The following POLR2F variants were observed in gnomAD, a reference collection of about 807,000 sequenced individuals.
The protein encoded by POLR2F is RNA polymerase II, I and III subunit F.
A neutral mutation model predicts 22.7 loss-of-function variants in POLR2F; 12 were observed. The observed-to-expected ratio is 0.53, with a 90% CI of 0.34 to 0.86. The LOEUF (loss-of-function observed/expected upper bound fraction) is 0.86, where lower values mean the gene tolerates loss of function less well. Ranked by LOEUF, POLR2F falls within the 40% of genes least tolerant of loss-of-function variation. POLR2F has a pLI of 0.02. For missense variants in POLR2F, 126 were observed against 171.5 expected (o/e 0.73, Z 1.48); for synonymous variants, 57 against 66.0 (o/e 0.86, Z 0.66).
At chr22:37,990,137 G>T (rs1932693932) in intron 1 of POLR2F, among the ~76,000 whole-genome samples, 1 of 152,160 alleles carries the variant, frequency 6.6e-6, no homozygotes, top group South Asian at 2.1e-4. Context: ...AGAGTTCCAA[G>T]GAGGAAAAGA....
chr22:37,982,079 A>G (rs3026649), upstream of POLR2F, among the ~76,000 whole-genome samples: 5,293 of 152,266 alleles, frequency 0.035, 296 homozygotes, highest in African/African-American at 0.12. Context: ...CTCCTCTGAC[A>G]AAGCCCTAAT....
chr22:37,964,185 AC>A (rs1018655029), intron 3 of POLR2F, among the ~76,000 whole-genome samples: 2 of 152,080 alleles, frequency 1.3e-5, no homozygotes, highest in Non-Finnish European at 2.9e-5. Flanking sequence ...GTGCACAGGT[AC>A]CCACAACCCA....
rs1029924892 is a variant in POLR2F at position 37,974,451 on chromosome 22, C to T, written c.293+7281C>T. ...CACTGCAACCTCTGCCTCCTGGGTT[C>T]AAATGATTCTCCTGCCTCAGCCTCC... On this transcript the variant is annotated intron_variant, in intron 4 of 4. Coordinates refer to the POLR2F transcript ENST00000405557. This position sits in a 1 kb window ranked among gnomAD's most constrained non-coding sequence, Gnocchi z 5.4. 6.6e-6 allele frequency among the ~76,000 whole-genome samples: 1 copy of T among 150,824 alleles called. No individual in the cohort carries two copies. The highest frequency in any genetic ancestry group is 2.5e-5 in the African/African-American group (1 of 40,646).
At chr22:38,000,551 G>A (rs2084759951) in intron 1 of POLR2F, among the ~76,000 whole-genome samples, 1 of 152,192 alleles carries the variant, frequency 6.6e-6, no homozygotes, top group Non-Finnish European at 1.5e-5. Context: ...TGGGCCCCTC[G>A]AGATGGTGCT....
chr22:38,015,673 C>G (rs1014428013), intron 1 of POLR2F, among the ~76,000 whole-genome samples: 4 of 152,140 alleles, frequency 2.6e-5, no homozygotes, highest in African/African-American at 7.2e-5. Context: ...TCAGCTGCCC[C>G]CTCTGTGGGG....
At chr22:37,967,532 C>T (rs1396117103) in intron 4 of POLR2F, 93 bp from the exon 5 acceptor site, 89 of 1,554,142 alleles carry the variant, frequency 5.7e-5, no homozygotes, top group Non-Finnish European at 7.6e-5. Flanking sequence ...CCTAAGACTT[C>T]TCTTTGCTTG....
At chr22:38,019,131 T>G (rs2084938819) in intron 1 of POLR2F, among the ~76,000 whole-genome samples, 1 of 151,470 alleles carries the variant, frequency 6.6e-6, no homozygotes, top group African/African-American at 2.4e-5. Flanking sequence ...GTCGGTGGAC[T>G]GGGAAGGTGT....
At chr22:38,035,382 G>T (rs1192404918) in intron 5 of POLR2F, among the ~76,000 whole-genome samples, 1 of 152,228 alleles carries the variant, frequency 6.6e-6, no homozygotes, top group Non-Finnish European at 1.5e-5. Flanking sequence ...AGGATGCTGA[G>T]GCCTAACAGG....
chr22:37,982,604 G>A (rs1028093798), upstream of POLR2F, among the ~76,000 whole-genome samples: 10 of 152,140 alleles, frequency 6.6e-5, no homozygotes, highest in Non-Finnish European at 8.8e-5. Flanking sequence ...CCAGCTCTGG[G>A]GCAGTGGGGA....
intron 1 of POLR2F, among the ~76,000 whole-genome samples, chr22:38,010,814 G>A (rs5756879): frequency 2.0e-5 from 3 of 151,902 alleles, no homozygotes; most frequent in South Asian, 2.1e-4. Context: ...ACGGGGTTTC[G>A]CCATGCAGGC....
upstream of POLR2F, among the ~76,000 whole-genome samples, chr22:37,982,744 C>G (rs1028465241): frequency 2.0e-5 from 3 of 152,006 alleles, no homozygotes; most frequent in Non-Finnish European, 4.4e-5. Context: ...TGTGTCCTCT[C>G]CCTAGGAGGA....
intron 5 of POLR2F, among the ~76,000 whole-genome samples, chr22:38,035,780 G>A (rs967249466): frequency 1.3e-5 from 2 of 152,176 alleles, no homozygotes; most frequent in Non-Finnish European, 1.5e-5. Context: ...GGGAGGTGCT[G>A]CCCCTTCCCA....
At position 37,980,055 on chromosome 22, in the gene POLR2F, C is replaced by A. The variant is rs531675403; in HGVS notation, c.293+12885C>A. ...TAGCCTCCCTGTCTACTCCCCCCAC[C>A]CCGGCCCTGAGCCCAGCCCTAGCCC... On this transcript the variant is annotated intron_variant, in intron 4 of 4. Coordinates refer to the POLR2F transcript ENST00000405557. The surrounding 1 kb of genome is among the most constrained non-coding windows in gnomAD (Gnocchi z 4.1). 6.5e-4 allele frequency among the ~76,000 whole-genome samples: 99 copies of A among 152,310 alleles called. No homozygotes were observed. Among genetic ancestry groups the A allele is most frequent in the African/African-American group, 2.2e-3 (92 of 41,558 alleles).
chr22:37,960,229 T>C (rs1261501618), intron 3 of POLR2F, among the ~76,000 whole-genome samples: 1 of 136,258 alleles, frequency 7.3e-6, no homozygotes, highest in Non-Finnish European at 1.6e-5. Flanking sequence ...TTTTCTTTTC[T>C]TTTTTTTTTT....
intron 1 of POLR2F, among the ~76,000 whole-genome samples, chr22:37,995,377 G>A (rs1397983397): frequency 6.6e-6 from 1 of 152,138 alleles, no homozygotes; most frequent in Non-Finnish European, 1.5e-5. Flanking sequence ...AGCGCTGCAT[G>A]GAGAGTCCCC....
intron 5 of POLR2F, among the ~76,000 whole-genome samples, chr22:38,035,759 C>T (rs993707392): frequency 3.9e-5 from 6 of 152,298 alleles, no homozygotes; most frequent in Non-Finnish European, 8.8e-5. Context: ...GAAGCCCTGG[C>T]GGGAGCGGGT....
downstream of POLR2F, chr22:37,971,200 G>A (rs1318223084): frequency 2.1e-6 from 1 of 470,304 alleles, no homozygotes; most frequent in Non-Finnish European, 4.4e-6. Flanking sequence ...CAGGTGGAGG[G>A]GATGATGGTT....
At chr22:37,995,945 G>A (rs952913527) in intron 1 of POLR2F, among the ~76,000 whole-genome samples, 1 of 152,134 alleles carries the variant, frequency 6.6e-6, no homozygotes. Context: ...TCTGAGAAGT[G>A]AGTCATGATC....
intron 5 of POLR2F, among the ~76,000 whole-genome samples, chr22:38,038,156 T>G (rs184171063): frequency 6.2e-4 from 95 of 152,114 alleles, no homozygotes; most frequent in Non-Finnish European, 1.1e-3. Flanking sequence ...AAAATGTGAT[T>G]AAATTTTAGG....
Sources: gnomAD v4.1 joint callset for allele counts (sites outside exome capture counted in the v4.1 genomes callset) on GRCh38, gnomAD v4.1.1 for gene constraint, Gnocchi (gnomAD v3.1) non-coding constraint, MANE v1.5 for transcripts, NCBI Gene and HGNC (gene_info 2026-07-23, HGNC 2026-07-21) for gene names.